The following AMBRA1 variants were observed in gnomAD, a reference collection of about 807,000 sequenced individuals.
The protein encoded by AMBRA1 is autophagy and beclin 1 regulator 1.
Under a neutral mutation model 125.4 loss-of-function variants are expected in AMBRA1, and 47 were observed. That is an observed-to-expected ratio of 0.37 (90% confidence interval 0.30 to 0.48). The LOEUF (loss-of-function observed/expected upper bound fraction) is 0.48. AMBRA1 is among the 20% of genes least tolerant of loss of function. The probability of loss-of-function intolerance (pLI) is 0.99; values close to 1 mark genes in which losing one functional copy is unlikely to be tolerated. For synonymous variants in AMBRA1, 626 were observed against 655.5 expected, an observed-to-expected ratio of 0.95 and a Z score of 0.69; for missense variants, 1,331 against 1,693.4, an observed-to-expected ratio of 0.79 and a Z score of 3.76.
chr11:46,547,375 A>G lies in AMBRA1; in HGVS notation c.195-79T>C, dbSNP rs1160765205. 8 of 1,275,050 alleles carry G rather than the reference A, an allele frequency of 6.3e-6. No individual in the cohort carries two copies. In the Admixed American group the frequency reaches 1.9e-4, roughly 30 times the overall value. The allele number at this position is 1,275,050 out of a possible 1,614,324, so 79.0% of individuals were successfully genotyped here. Reference sequence around the variant, plus strand: ...TCTTATCAACTTTGGACGACATAGAATATTGATGCTACCTGCCAATCCCAA... The same window carrying G: ...TCTTATCAACTTTGGACGACATAGAGTATTGATGCTACCTGCCAATCCCAA... On this transcript the variant is annotated intron_variant, in intron 3 of 17. Coordinates refer to ENST00000683756, the MANE Select transcript of AMBRA1 (RefSeq NM_001387011.1).
At chr11:46,412,201 A>T (rs1476098490) in intron 15 of AMBRA1, among the ~76,000 whole-genome samples, 1 of 152,220 alleles carries the variant, frequency 6.6e-6, no homozygotes, top group Non-Finnish European at 1.5e-5. Flanking sequence ...TGGTTGCTCA[A>T]GTCCCTAATA....
At chr11:46,538,857 A>G (rs887271496) in intron 7 of AMBRA1, among the ~76,000 whole-genome samples, 3 of 152,176 alleles carry the variant, frequency 2.0e-5, no homozygotes, top group Admixed American at 6.5e-5. Flanking sequence ...TTTTAGATGT[A>G]TAATATCATA....
chr11:46,434,820 G>T, intron 13 of AMBRA1, 29 bp downstream of exon 13: 1 of 1,553,864 alleles, frequency 6.4e-7, no homozygotes, highest in South Asian at 1.2e-5. Context: ...GCGTCCCTCT[G>T]TCATTAGGTT....
chr11:46,452,418 A>G (rs2136794069), intron 11 of AMBRA1, among the ~76,000 whole-genome samples: 1 of 152,140 alleles, frequency 6.6e-6, no homozygotes, highest in Non-Finnish European at 1.5e-5. Flanking sequence ...CTGGCCCTTA[A>G]GTGATCCTCC....
intron 15 of AMBRA1, among the ~76,000 whole-genome samples, chr11:46,412,019 G>A (rs531598559): frequency 3.3e-5 from 5 of 152,292 alleles, no homozygotes; most frequent in Non-Finnish European, 7.4e-5. Flanking sequence ...CCAAACAAAA[G>A]TGCTCTTCTT....
chr11:46,415,204 CTCATT>C (rs1946481946), intron 15 of AMBRA1, among the ~76,000 whole-genome samples: 1 of 152,180 alleles, frequency 6.6e-6, no homozygotes, highest in Non-Finnish European at 1.5e-5. Flanking sequence ...ATTTGTTCTC[CTCATT>C]TGAGACTGGA....
intron 11 of AMBRA1, among the ~76,000 whole-genome samples, chr11:46,449,151 C>G (rs911522028): frequency 6.6e-6 from 1 of 152,134 alleles, no homozygotes; most frequent in Non-Finnish European, 1.5e-5. Flanking sequence ...CCCCTTCTTA[C>G]CAATACTTTT....
At chr11:46,494,984 A>G (rs1273329315) in intron 9 of AMBRA1, 1 of 152,262 alleles carries the variant, frequency 6.6e-6, no homozygotes, top group African/African-American at 2.4e-5. Flanking sequence ...TTTACAGAGA[A>G]GCGGACGAAA....
chr11:46,561,578 C>G lies in AMBRA1; in HGVS notation c.-120-13078G>C, dbSNP rs575116363. Among the ~76,000 whole-genome samples, 4 of 152,200 alleles carry G rather than the reference C, an allele frequency of 2.6e-5. No homozygotes were observed. In the East Asian group the frequency reaches 7.7e-4, roughly 29 times the overall value. On this transcript the variant is annotated intron_variant, in intron 1 of 17. Transcript: ENST00000683756. ...AGCAGGATTTGAATTCAGGCTTTTC[C>G]TTCAGATAGTACCAGAGCTACACTC...
chr11:46,404,176 G>A (rs546535324), intron 17 of AMBRA1, among the ~76,000 whole-genome samples: 54 of 152,338 alleles, frequency 3.5e-4, no homozygotes, highest in African/African-American at 1.2e-3. Flanking sequence ...ATGGAAGAGC[G>A]AGATCTTGTC....
At chr11:46,416,022 A>G (rs1223946855) in intron 15 of AMBRA1, among the ~76,000 whole-genome samples, 6 of 151,520 alleles carry the variant, frequency 4.0e-5, no homozygotes, top group Admixed American at 3.9e-4. Flanking sequence ...TGCAAGGGAG[A>G]GGACTAGAAA....
intron 1 of AMBRA1, among the ~76,000 whole-genome samples, chr11:46,574,749 T>C (rs897868145): frequency 6.6e-6 from 1 of 152,172 alleles, no homozygotes; most frequent in African/African-American, 2.4e-5. Flanking sequence ...AAAGAATACT[T>C]TGAAAAATAC....
chr11:46,472,880 C>A (rs1286487864), intron 11 of AMBRA1, among the ~76,000 whole-genome samples: 1 of 152,198 alleles, frequency 6.6e-6, no homozygotes, highest in Non-Finnish European at 1.5e-5. Flanking sequence ...CTCCAGGAAA[C>A]ACAGGCTTGC....
In AMBRA1 at chr11:46,454,682, C is replaced by T. The variant is rs1302547273; in HGVS notation, c.2522-11084G>A. ...AGGAGAATGGTGTGAGCCCGGAAGG[C>T]GGAGCTTGCAGCGAGCCGAGATCAC... On this transcript the variant is annotated intron_variant, in intron 11 of 17. Coordinates refer to ENST00000683756, the MANE Select transcript of AMBRA1 (RefSeq NM_001387011.1). Among the ~76,000 whole-genome samples, 6 of 151,366 alleles carry T rather than the reference C, an allele frequency of 4.0e-5. No individual in the cohort carries two copies. The South Asian group carries it at 6.3e-4, about 16-fold the overall frequency.
At chr11:46,593,146 ATCTATATTCCTAACAG>A (rs1391831594) in intron 1 of AMBRA1, among the ~76,000 whole-genome samples, 1 of 152,220 alleles carries the variant, frequency 6.6e-6, no homozygotes, top group African/African-American at 2.4e-5. Context: ...TTGTGACAGG[ATCTATATTCCTAACAG>A]TCTATATTCC....
chr11:46,455,082 C>T (rs1948794706), intron 11 of AMBRA1, among the ~76,000 whole-genome samples: 1 of 152,082 alleles, frequency 6.6e-6, no homozygotes, highest in South Asian at 2.1e-4. Flanking sequence ...GATATGGGAT[C>T]TCAGTATTTA....
At chr11:46,429,292 A>T in intron 14 of AMBRA1, 2 of 740,580 alleles carry the variant, frequency 2.7e-6, no homozygotes, top group South Asian at 3.4e-5. Context: ...AGTGGGAGAG[A>T]GGCCCCCTGC....
chr11:46,425,192 A>G (rs528287664), intron 14 of AMBRA1, among the ~76,000 whole-genome samples: 1 of 152,292 alleles, frequency 6.6e-6, no homozygotes, highest in African/African-American at 2.4e-5. Flanking sequence ...CTGGGCACAG[A>G]GCACAACACA....
intron 1 of AMBRA1, among the ~76,000 whole-genome samples, chr11:46,586,175 G>C (rs1404971806): frequency 6.6e-6 from 1 of 152,190 alleles, no homozygotes; most frequent in Non-Finnish European, 1.5e-5. Flanking sequence ...GGGAGATCGA[G>C]GTGGGCAGAT....
Sources: allele counts gnomAD v4.1 joint callset (sites outside exome capture counted in the v4.1 genomes callset), GRCh38; gene constraint gnomAD v4.1.1; transcripts MANE v1.5; gene names NCBI Gene and HGNC (gene_info 2026-07-23, HGNC 2026-07-21).